DLGAP2: variants seen among roughly 807,000 people sequenced by gnomAD.
The protein encoded by DLGAP2 is DLG associated protein 2.
A neutral mutation model predicts 100.3 loss-of-function variants in DLGAP2; 26 were observed. The observed-to-expected ratio is 0.26, with a 90% CI of 0.19 to 0.36. The LOEUF (loss-of-function observed/expected upper bound fraction) is 0.36, where lower values mean the gene tolerates loss of function less well. DLGAP2 is among the 10% of genes least tolerant of loss of function. The pLI is 1.00. For synonymous variants in DLGAP2, 886 were observed against 630.1 expected, an observed-to-expected ratio of 1.41 and a Z score of -6.08; for missense variants, 1,858 against 1,453.2, an observed-to-expected ratio of 1.28 and a Z score of -4.53.
chr8:1,197,303 A>C (rs58154002), intron 2 of DLGAP2, among the ~76,000 whole-genome samples: 6,761 of 144,474 alleles, frequency 0.047, 522 homozygotes, highest in African/African-American at 0.16. Context: ...ATCCCTGTCC[A>C]TGCTGACACA....
At chr8:1,002,188 T>C (rs924979898) in intron 2 of DLGAP2, 7 of 152,180 alleles carry the variant, frequency 4.6e-5, no homozygotes, top group Admixed American at 1.3e-4. Context: ...CTGGGATTCC[T>C]TCCTGGTGCT....
intron 2 of DLGAP2, among the ~76,000 whole-genome samples, chr8:1,176,586 C>G (rs78661485): frequency 0.014 from 1,314 of 96,712 alleles, 12 homozygotes; most frequent in Non-Finnish European, 0.019. Flanking sequence ...CCACCCATCT[C>G]AATCCAGTGC....
At chr8:1,072,080 G>A (rs536499627) in intron 2 of DLGAP2, among the ~76,000 whole-genome samples, 3 of 152,194 alleles carry the variant, frequency 2.0e-5, no homozygotes, top group Non-Finnish European at 4.4e-5. Flanking sequence ...GCTCCGTCCT[G>A]CCATGAAGTC....
At chr8:1,234,989 TCGTG>T (rs1798613128) in intron 2 of DLGAP2, among the ~76,000 whole-genome samples, 1 of 9,030 alleles carries the variant, frequency 1.1e-4, no homozygotes, top group African/African-American at 2.1e-4. Flanking sequence ...ACGCATAGCA[TCGTG>T]TCTAGTTCTC....
intron 1 of DLGAP2, among the ~76,000 whole-genome samples, chr8:747,109 G>A (rs892155718): frequency 3.3e-5 from 5 of 151,888 alleles, no homozygotes; most frequent in African/African-American, 1.2e-4. Context: ...GCTGGGGAGA[G>A]CGACACTGGA....
chr8:1,507,947 C>T (rs1433333753), intron 4 of DLGAP2, among the ~76,000 whole-genome samples: 1 of 151,162 alleles, frequency 6.6e-6, no homozygotes, highest in African/African-American at 2.5e-5. Context: ...GCTCCTTCCC[C>T]ACTGTGACAT....
chr8:1,658,555 C>T (rs762728576), intron 8 of DLGAP2, among the ~76,000 whole-genome samples: 3 of 152,094 alleles, frequency 2.0e-5, no homozygotes, highest in Non-Finnish European at 2.9e-5. Context: ...TCCACTTATT[C>T]CTGTGTTAGT....
Position 850,043 on chromosome 8 carries a change from A to G in DLGAP2, c.19-57869A>G, listed in dbSNP as rs560693287. Among the ~76,000 whole-genome samples, 7 of 149,128 alleles carry G rather than the reference A, an allele frequency of 4.7e-5. No individual in the cohort carries two copies. In the Admixed American group the frequency reaches 4.7e-4, roughly 10 times the overall value. On this transcript the variant is annotated intron_variant, in intron 1 of 14. Coordinates refer to ENST00000637795, the MANE Select transcript of DLGAP2 (RefSeq NM_001346810.2). ...TGTGCCACGCACTCCAGCCTGGGCA[A>G]CAGAAGGAGACTGTCTAAAAAAAAA...
At chr8:1,235,253 G>A (rs949604246) in intron 2 of DLGAP2, among the ~76,000 whole-genome samples, 9 of 124,952 alleles carry the variant, frequency 7.2e-5, no homozygotes, top group South Asian at 2.2e-4. Flanking sequence ...CACACATGGC[G>A]TCGTGTCTAG....
chr8:1,298,301 C>A (rs1403560601), intron 3 of DLGAP2, among the ~76,000 whole-genome samples: 3 of 152,172 alleles, frequency 2.0e-5, no homozygotes, highest in Non-Finnish European at 4.4e-5. Flanking sequence ...CCCCCATACA[C>A]CAAATGCGTC....
chr8:1,184,996 T>C (rs1041161263), intron 2 of DLGAP2, among the ~76,000 whole-genome samples: 3 of 151,946 alleles, frequency 2.0e-5, no homozygotes, highest in African/African-American at 7.3e-5. Flanking sequence ...AGCAGGAGTG[T>C]GGGGAGCTGT....
chr8:1,629,814 C>G (rs1397435423), intron 7 of DLGAP2, among the ~76,000 whole-genome samples: 1 of 152,236 alleles, frequency 6.6e-6, no homozygotes, highest in Non-Finnish European at 1.5e-5. Context: ...GGATCTCACA[C>G]CTCTTTAAAT....
At chr8:813,935 G>C (rs1796417281) in intron 1 of DLGAP2, among the ~76,000 whole-genome samples, 3 of 152,052 alleles carry the variant, frequency 2.0e-5, no homozygotes. Flanking sequence ...AGGATGAATA[G>C]ATGATAAAAA....
chr8:1,377,478 A>G (rs1487221261), intron 3 of DLGAP2, among the ~76,000 whole-genome samples: 1 of 152,214 alleles, frequency 6.6e-6, no homozygotes, highest in Non-Finnish European at 1.5e-5. Flanking sequence ...TGGGAGGCGG[A>G]GCTGGCAGTG....
intron 6 of DLGAP2, among the ~76,000 whole-genome samples, chr8:1,585,570 C>T (rs1197018537): frequency 6.6e-6 from 1 of 152,210 alleles, no homozygotes; most frequent in Non-Finnish European, 1.5e-5. Flanking sequence ...ATCCACAGAC[C>T]ACGTAAGCTT....
At chr8:1,195,408 A>T (rs1221400433) in intron 2 of DLGAP2, among the ~76,000 whole-genome samples, 1 of 152,220 alleles carries the variant, frequency 6.6e-6, no homozygotes, top group African/African-American at 2.4e-5. Context: ...TTATTAATGA[A>T]AAACATGGTG....
chr8:1,243,717 G>T (rs958089587), intron 2 of DLGAP2, among the ~76,000 whole-genome samples: 20 of 152,082 alleles, frequency 1.3e-4, no homozygotes, highest in South Asian at 2.1e-4. Flanking sequence ...GTCATGCCCT[G>T]ATCCTCCTCA....
At chr8:1,637,983 C>T (rs905676506) in intron 8 of DLGAP2, among the ~76,000 whole-genome samples, 2 of 152,310 alleles carry the variant, frequency 1.3e-5, no homozygotes, top group Admixed American at 6.5e-5. Context: ...GAAGTAATGA[C>T]AAACGTCCCG....
intron 2 of DLGAP2, among the ~76,000 whole-genome samples, chr8:1,029,341 C>T (rs1422833224): frequency 6.6e-6 from 1 of 152,140 alleles, no homozygotes; most frequent in African/African-American, 2.4e-5. Flanking sequence ...CAAGGAATAC[C>T]AGCATTTAGG....
Sources: allele counts gnomAD v4.1 joint callset (sites outside exome capture counted in the v4.1 genomes callset), GRCh38; gene constraint gnomAD v4.1.1; transcripts MANE v1.5; gene names NCBI Gene and HGNC (gene_info 2026-07-23, HGNC 2026-07-21).